The following SLC9C1 variants were observed in gnomAD, a reference collection of about 807,000 sequenced individuals.
SLC9C1 encodes solute carrier family 9 member C1.
In SLC9C1, 97 loss-of-function variants were observed where a neutral mutation model predicts 140.9. The ratio of observed to expected loss-of-function variants is 0.69; its 90% CI spans 0.58 to 0.82. The LOEUF (loss-of-function observed/expected upper bound fraction) is 0.82, where lower values mean the gene tolerates loss of function less well. Among genes scored for constraint, SLC9C1 ranks in the 40% least tolerant of loss-of-function variants. The pLI is 0.00. For synonymous variants in SLC9C1, 440 were observed against 442.6 expected (o/e 0.99, Z 0.07); for missense variants, 1,340 against 1,389.3 (o/e 0.96, Z 0.56).
chr3:112,204,331 T>C lies in SLC9C1; in HGVS notation c.2059A>G (p.Ile687Val). 6.4e-7 allele frequency: 1 copy of C among 1,574,238 alleles called. No homozygotes were observed. Residue 687 changes from isoleucine to valine, a missense_variant, in exon 17 of 29, where the codon ATC (isoleucine) becomes GTC (valine). Physicochemically the swap from Ile to Val is conservative, Grantham distance 29. Transcript: ENST00000305815. ...ATTTCAATAAGTATTACATGTAAGATGCCAATTAATGTAATTGCTAACTCG... is the reference window on the plus strand; with the variant it reads ...ATTTCAATAAGTATTACATGTAAGACGCCAATTAATGTAATTGCTAACTCG... ...IFELAITLIG[I>V]LHVILIEIDT... is the part of the protein sequence containing the mutation.
chr3:112,207,025 A>G (rs867137735), intron 16 of SLC9C1, among the ~76,000 whole-genome samples: 11 of 152,136 alleles, frequency 7.2e-5, no homozygotes, highest in Non-Finnish European at 1.5e-4. Context: ...AGACATGTTA[A>G]AGTATATATT....
At chr3:112,212,449 A>T (rs1046157500) in intron 15 of SLC9C1, among the ~76,000 whole-genome samples, 2 of 152,218 alleles carry the variant, frequency 1.3e-5, no homozygotes, top group African/African-American at 4.8e-5. Flanking sequence ...AAGAAGCTAT[A>T]AACCTTGAAA....
intron 20 of SLC9C1, among the ~76,000 whole-genome samples, chr3:112,192,462 G>T (rs1027079574): frequency 2.0e-5 from 3 of 152,094 alleles, no homozygotes; most frequent in African/African-American, 7.2e-5. Context: ...AAATTCCATT[G>T]TATGTATATA....
intron 20 of SLC9C1, 90 bp downstream of exon 20, chr3:112,199,231 G>A (rs1204800539): frequency 1.0e-6 from 1 of 995,198 alleles, no homozygotes; most frequent in Non-Finnish European, 1.4e-6. Flanking sequence ...TCTTAGAAAT[G>A]GCCTGTATTA....
intron 12 of SLC9C1, 144 bp from the exon 13 acceptor site, chr3:112,231,630 A>G (rs1330029197): frequency 4.0e-6 from 3 of 757,484 alleles, no homozygotes; most frequent in African/African-American, 3.5e-5. Flanking sequence ...GATCCTCATC[A>G]TTTGCTCAAA....
chr3:112,228,401 A>G (rs7653647), intron 13 of SLC9C1, among the ~76,000 whole-genome samples: 151,434 of 152,188 alleles, frequency 1, 75,346 homozygotes, highest in Middle Eastern at 1. Context: ...AACTCAAAAT[A>G]GATTAAAGAC....
At chr3:112,178,004 C>T (rs2077371583) in intron 23 of SLC9C1, among the ~76,000 whole-genome samples, 1 of 151,732 alleles carries the variant, frequency 6.6e-6, no homozygotes, top group Non-Finnish European at 1.5e-5. Context: ...ATTAAAATGT[C>T]CTAAATTATC....
At chr3:112,237,183 C>T (rs1001712272) in intron 12 of SLC9C1, among the ~76,000 whole-genome samples, 1 of 152,148 alleles carries the variant, frequency 6.6e-6, no homozygotes, top group Non-Finnish European at 1.5e-5. Flanking sequence ...GGAGAGTTAG[C>T]TCTTTTTGTT....
intron 20 of SLC9C1, among the ~76,000 whole-genome samples, chr3:112,198,988 C>T (rs567450152): frequency 3.5e-4 from 52 of 150,138 alleles, no homozygotes; most frequent in African/African-American, 1.3e-3. Flanking sequence ...ATGTTTTACA[C>T]GAAAAATGTT....
intron 26 of SLC9C1, among the ~76,000 whole-genome samples, chr3:112,161,823 C>T (rs6438033): frequency 0.98 from 146,774 of 149,964 alleles, 71,919 homozygotes; most frequent in East Asian, 1. Context: ...ATTGGTAGCT[C>T]GATGGGGATG....
chr3:112,156,997 C>G (rs1308412227), intron 26 of SLC9C1, among the ~76,000 whole-genome samples: 7 of 152,028 alleles, frequency 4.6e-5, no homozygotes, highest in Admixed American at 3.9e-4. Flanking sequence ...TAGACTGTTT[C>G]CTTTGTTGTG....
At chr3:112,197,779 G>T (rs900784154) in intron 20 of SLC9C1, among the ~76,000 whole-genome samples, 1 of 152,070 alleles carries the variant, frequency 6.6e-6, no homozygotes, top group Admixed American at 6.6e-5. Context: ...GCAATAAATT[G>T]TACAAGTAAA....
intron 26 of SLC9C1, among the ~76,000 whole-genome samples, chr3:112,163,577 C>T (rs1329431408): frequency 2.0e-5 from 3 of 151,824 alleles, no homozygotes; most frequent in African/African-American, 4.8e-5. Flanking sequence ...TATAGTTGAG[C>T]GGTTTTGAGT....
At chr3:112,255,168 C>T (rs758303785) in intron 10 of SLC9C1, among the ~76,000 whole-genome samples, 23 of 152,068 alleles carry the variant, frequency 1.5e-4, no homozygotes, top group South Asian at 6.2e-4. Flanking sequence ...CAGTAGCAAA[C>T]GTATCATTAA....
intron 7 of SLC9C1, among the ~76,000 whole-genome samples, chr3:112,268,607 T>G (rs2079986534): frequency 6.6e-6 from 1 of 152,244 alleles, no homozygotes; most frequent in Admixed American, 6.5e-5. Context: ...TTATCTTATA[T>G]CAAGCCATTA....
Position 112,168,863 on chromosome 3 carries a change from CA to C in SLC9C1, c.3237+13del. On this transcript the variant is annotated intron_variant, in intron 25 of 28. Transcript: ENST00000305815. ...GGCATATTGATCTGAAGACAGGAAT[CA>C]ATATTTCTTTACCTGATGGCATGTT... 1 of 1,560,374 alleles carries C rather than the reference CA, an allele frequency of 6.4e-7. No homozygotes were observed. Among genetic ancestry groups the C allele is most frequent in the Non-Finnish European group, 8.6e-7 (1 of 1,158,204 alleles).
At chr3:112,209,793 G>C in intron 15 of SLC9C1, among the ~76,000 whole-genome samples, 1 of 152,056 alleles carries the variant, frequency 6.6e-6, no homozygotes, top group East Asian at 1.9e-4. Context: ...CCTAAAACTT[G>C]CGTGCTCAAA....
chr3:112,269,613 A>T (rs1287767830), intron 7 of SLC9C1, among the ~76,000 whole-genome samples: 1 of 152,168 alleles, frequency 6.6e-6, no homozygotes, highest in Non-Finnish European at 1.5e-5. Flanking sequence ...TTATAACCAT[A>T]ATCATTTTTT....
At chr3:112,256,047 G>T (rs1233646018) in intron 10 of SLC9C1, among the ~76,000 whole-genome samples, 1 of 151,858 alleles carries the variant, frequency 6.6e-6, no homozygotes, top group African/African-American at 2.4e-5. Context: ...GTGTTTCCCT[G>T]AACAGGCCAG....
Sources: allele counts gnomAD v4.1 joint callset (sites outside exome capture counted in the v4.1 genomes callset), GRCh38; gene constraint gnomAD v4.1.1; transcripts MANE v1.5; gene names NCBI Gene and HGNC (gene_info 2026-07-23, HGNC 2026-07-21).